Variants in CPEB4 observed in about 807,000 individuals in gnomAD.
CPEB4 encodes the protein cytoplasmic polyadenylation element binding protein 4, also known as cytoplasmic polyadenylation element-binding protein 4.
In CPEB4, 12 loss-of-function variants were observed where a neutral mutation model predicts 72.5. The ratio of observed to expected loss-of-function variants is 0.17; its 90% CI spans 0.11 to 0.27. The LOEUF (loss-of-function observed/expected upper bound fraction) is 0.27, where lower values mean the gene tolerates loss of function less well. Among genes scored for constraint, CPEB4 ranks in the 10% least tolerant of loss-of-function variants. CPEB4 has a pLI of 1.00. For missense variants in CPEB4, 614 were observed against 908.5 expected (o/e 0.68, Z 4.17); for synonymous variants, 302 against 326.3 (o/e 0.93, Z 0.80).
chr5:173,912,647 A>T (rs187426082), intron 2 of CPEB4, among the ~76,000 whole-genome samples: 50 of 150,434 alleles, frequency 3.3e-4, no homozygotes, highest in African/African-American at 1.1e-3. Context: ...TTTTTTAAAA[A>T]GTTAAGGTCT....
chr5:173,909,133 T>G (rs1756548630), intron 1 of CPEB4, among the ~76,000 whole-genome samples: 1 of 152,196 alleles, frequency 6.6e-6, no homozygotes, highest in Non-Finnish European at 1.5e-5. Flanking sequence ...TGAAACGCAC[T>G]TGGTTAAGCT....
chr5:173,919,913 T>G (rs143217679), intron 2 of CPEB4, among the ~76,000 whole-genome samples: 2 of 152,336 alleles, frequency 1.3e-5, no homozygotes, highest in African/African-American at 4.8e-5. Flanking sequence ...CCCCTCACAT[T>G]ACCATTATCC....
At chr5:173,944,707 G>A (rs868222639) in intron 4 of CPEB4, among the ~76,000 whole-genome samples, 12 of 152,136 alleles carry the variant, frequency 7.9e-5, no homozygotes, top group Non-Finnish European at 1.6e-4. Context: ...CTGTACTTCA[G>A]TTCACCTCAC....
intron 2 of CPEB4, among the ~76,000 whole-genome samples, chr5:173,926,669 G>A (rs1400530915): frequency 6.6e-6 from 1 of 152,154 alleles, no homozygotes; most frequent in Non-Finnish European, 1.5e-5. Context: ...CTGTCATAAT[G>A]TTCCTTAAGA....
chr5:173,935,451 C>T (rs1487322276), intron 3 of CPEB4, among the ~76,000 whole-genome samples: 2 of 152,008 alleles, frequency 1.3e-5, no homozygotes, highest in Non-Finnish European at 2.9e-5. Flanking sequence ...CTTCCTTGTC[C>T]ACTGTAATCT....
rs769931921 is a variant in CPEB4, at chr5:173,913,754, G to A, written c.1207+3150G>A. On this transcript the variant is annotated intron_variant, in intron 2 of 9. Transcript: ENST00000265085. ...ATTAAGTCTGATTGATCTAATCTGG[G>A]AACATACAGATTTTGTAAAATAGTG... Among the ~76,000 whole-genome samples, 75 of 152,240 alleles carry A rather than the reference G, an allele frequency of 4.9e-4. 1 individual carries two copies. Among genetic ancestry groups the A allele is most frequent in the Non-Finnish European group, 7.9e-4 (54 of 68,016 alleles).
chr5:173,902,942 T>C (rs1378516567), intron 1 of CPEB4, among the ~76,000 whole-genome samples: 1 of 152,136 alleles, frequency 6.6e-6, no homozygotes, highest in Non-Finnish European at 1.5e-5. Flanking sequence ...AATGAGTAAT[T>C]AGCATATCCT....
intron 2 of CPEB4, among the ~76,000 whole-genome samples, chr5:173,930,433 T>G (rs931853532): frequency 6.6e-6 from 1 of 152,170 alleles, no homozygotes; most frequent in African/African-American, 2.4e-5. Flanking sequence ...AATACATACT[T>G]GTGACAGGCC....
chr5:173,894,894 T>C (rs62376950), intron 1 of CPEB4, among the ~76,000 whole-genome samples: 46 of 152,248 alleles, frequency 3.0e-4, no homozygotes, highest in Non-Finnish European at 5.7e-4. Flanking sequence ...TACATGATGA[T>C]CAAAGGCTGA....
intron 1 of CPEB4, 26 bp downstream of exon 1, chr5:173,890,884 T>A (rs1185798470): frequency 6.4e-7 from 1 of 1,572,818 alleles, no homozygotes; most frequent in South Asian, 1.2e-5. Context: ...ATTAATAGAT[T>A]AGGATGAATA....
Position 173,900,058 on chromosome 5 carries a change from G to C in CPEB4, c.1125+9200G>C, listed in dbSNP as rs1756168859. On this transcript the variant is annotated intron_variant, in intron 1 of 9. Coordinates refer to ENST00000265085, the MANE Select transcript of CPEB4 (RefSeq NM_030627.4). The surrounding 1 kb of genome is among the most constrained non-coding windows in gnomAD (Gnocchi z 4.4). ...GCTGCCTTTTGAGATCACTGTCAAG[G>C]CTCACAGAAGAGATGTCGAGGGTTA... Among the ~76,000 whole-genome samples the C allele has an allele frequency of 6.6e-6, 1 of 152,102 alleles. No individual in the cohort carries two copies. Among genetic ancestry groups the C allele is most frequent in the South Asian group, 2.1e-4 (1 of 4,830 alleles).
intron 1 of CPEB4, among the ~76,000 whole-genome samples, chr5:173,898,803 A>G (rs1447200205): frequency 3.3e-5 from 5 of 152,178 alleles, no homozygotes; most frequent in Non-Finnish European, 5.9e-5. Flanking sequence ...CAGCCTCTCC[A>G]GTAGCTGGGA....
chr5:173,947,638 T>C (rs1277117156), intron 5 of CPEB4, among the ~76,000 whole-genome samples: 1 of 152,188 alleles, frequency 6.6e-6, no homozygotes, highest in Non-Finnish European at 1.5e-5. Flanking sequence ...TGGAGTCATA[T>C]TGAAAATATC....
intron 2 of CPEB4, among the ~76,000 whole-genome samples, chr5:173,924,996 G>A (rs1372994789): frequency 6.6e-6 from 1 of 152,206 alleles, no homozygotes; most frequent in Non-Finnish European, 1.5e-5. Context: ...ATGATGTGGG[G>A]CAGGGAAGGC....
chr5:173,929,880 TA>T (rs1398155684), intron 2 of CPEB4, among the ~76,000 whole-genome samples: 3 of 152,218 alleles, frequency 2.0e-5, no homozygotes, highest in African/African-American at 7.2e-5. Context: ...TTTTTGTCTC[TA>T]TATTGATTTA....
chr5:173,945,248 G>A, intron 5 of CPEB4, 108 bp downstream of exon 5: 2 of 899,638 alleles, frequency 2.2e-6, no homozygotes. Flanking sequence ...AGTCAGCCCT[G>A]CTTGCATTGT....
chr5:173,902,291 A>G (rs1756264618), intron 1 of CPEB4, among the ~76,000 whole-genome samples: 1 of 152,212 alleles, frequency 6.6e-6, no homozygotes, highest in African/African-American at 2.4e-5. Context: ...GTAGCCTGGT[A>G]CAGATATGTA....
intron 2 of CPEB4, among the ~76,000 whole-genome samples, chr5:173,930,425 T>C (rs969861054): frequency 6.6e-6 from 1 of 152,164 alleles, no homozygotes; most frequent in East Asian, 1.9e-4. Flanking sequence ...CTTTTAAAAA[T>C]ACATACTTGT....
chr5:173,899,143 A>G (rs1756132356), intron 1 of CPEB4, among the ~76,000 whole-genome samples: 1 of 152,072 alleles, frequency 6.6e-6, no homozygotes. Flanking sequence ...TTAAATTTTT[A>G]TTATGGAAAA....
Sources: allele counts gnomAD v4.1 joint callset (sites outside exome capture counted in the v4.1 genomes callset), GRCh38; gene constraint gnomAD v4.1.1; non-coding constraint Gnocchi (gnomAD v3.1); transcripts MANE v1.5; gene names NCBI Gene and HGNC (gene_info 2026-07-23, HGNC 2026-07-21).